CNTLN: variants seen among roughly 807,000 people sequenced by gnomAD.
The protein encoded by CNTLN is centlein.
Under a neutral mutation model 180.0 loss-of-function variants are expected in CNTLN, and 212 were observed. The ratio of observed to expected loss-of-function variants is 1.18; its 90% CI spans 1.05 to 1.32. CNTLN has a LOEUF of 1.32. CNTLN is among the 40% of genes most tolerant of loss of function. The probability of loss-of-function intolerance (pLI) is 0.00; values close to 1 mark genes in which losing one functional copy is unlikely to be tolerated. For missense variants in CNTLN, 2,095 were observed against 1,610.9 expected (o/e 1.30, Z -5.14); for synonymous variants, 722 against 563.1 (o/e 1.28, Z -3.99).
At chr9:17,479,421 G>A (rs1588084225) in intron 23 of CNTLN, among the ~76,000 whole-genome samples, 1 of 152,210 alleles carries the variant, frequency 6.6e-6, no homozygotes, top group South Asian at 2.1e-4. Context: ...TATGCTCAGT[G>A]AAAAAAAGCC....
intron 8 of CNTLN, among the ~76,000 whole-genome samples, chr9:17,325,788 T>C (rs1343069378): frequency 6.6e-6 from 1 of 152,028 alleles, no homozygotes; most frequent in Non-Finnish European, 1.5e-5. Flanking sequence ...CTAAACACTT[T>C]TTTGCTAAAT....
chr9:17,230,226 C>T (rs540171305), intron 3 of CNTLN, among the ~76,000 whole-genome samples: 4 of 152,230 alleles, frequency 2.6e-5, no homozygotes, highest in Middle Eastern at 3.4e-3. Flanking sequence ...GGCTGAGACT[C>T]GGCTACTATA....
chr9:17,200,211 A>T (rs1326696762), intron 2 of CNTLN, among the ~76,000 whole-genome samples: 2 of 152,094 alleles, frequency 1.3e-5, no homozygotes, highest in Admixed American at 6.5e-5. Context: ...ATGTTTTGGT[A>T]CCCGTACCAT....
chr9:17,409,152 T>C (rs1206193555), intron 15 of CNTLN, 141 bp from the exon 16 acceptor site: 3 of 662,308 alleles, frequency 4.5e-6, no homozygotes, highest in Admixed American at 3.1e-5. Flanking sequence ...CCCTTTCACA[T>C]TGAGAACCAG....
chr9:17,179,222 C>T (rs1290721437), intron 2 of CNTLN, among the ~76,000 whole-genome samples: 5 of 122,522 alleles, frequency 4.1e-5, no homozygotes, highest in Non-Finnish European at 6.3e-5. Flanking sequence ...CCAGCCTGGG[C>T]GACAGAGCGA....
At chr9:17,341,143 C>T (rs1821451136) in intron 11 of CNTLN, among the ~76,000 whole-genome samples, 195 bp downstream of exon 11, 1 of 152,140 alleles carries the variant, frequency 6.6e-6, no homozygotes, top group African/African-American at 2.4e-5. Flanking sequence ...AGATTTTCCT[C>T]ACATTTGCAG....
intron 23 of CNTLN, among the ~76,000 whole-genome samples, chr9:17,474,959 C>A (rs1044621367): frequency 6.6e-6 from 1 of 152,008 alleles, no homozygotes; most frequent in African/African-American, 2.4e-5. Context: ...AAAACCTTGA[C>A]TGCCCATGAA....
chr9:17,391,075 C>G (rs1193369029), intron 14 of CNTLN, among the ~76,000 whole-genome samples: 1 of 152,070 alleles, frequency 6.6e-6, no homozygotes, highest in East Asian at 1.9e-4. Flanking sequence ...AAAACAAAGA[C>G]CCAGAGAAAA....
chr9:17,295,622 A>T (rs138098909), intron 6 of CNTLN, among the ~76,000 whole-genome samples: 2 of 152,216 alleles, frequency 1.3e-5, no homozygotes, highest in African/African-American at 4.8e-5. Context: ...AGCTGTTTCT[A>T]GTCGGCCATC....
chr9:17,162,101 G>C (rs897461325), intron 2 of CNTLN, among the ~76,000 whole-genome samples: 1 of 151,832 alleles, frequency 6.6e-6, no homozygotes, highest in African/African-American at 2.4e-5. Flanking sequence ...TTTGATACTT[G>C]TCTTTCTTTA....
chr9:17,269,715 T>A (rs1166866184), intron 5 of CNTLN, among the ~76,000 whole-genome samples: 3 of 152,182 alleles, frequency 2.0e-5, no homozygotes, highest in Admixed American at 2.0e-4. Flanking sequence ...GCCATTAAGA[T>A]GAATGTATAT....
chr9:17,289,629 A>G (rs1444736420), intron 6 of CNTLN, among the ~76,000 whole-genome samples: 7 of 128,130 alleles, frequency 5.5e-5, no homozygotes, highest in East Asian at 2.2e-4. Flanking sequence ...CATTCTCCCC[A>G]TCACTTTCAG....
chr9:17,439,178 A>C (rs929349409), intron 18 of CNTLN, among the ~76,000 whole-genome samples: 4 of 152,344 alleles, frequency 2.6e-5, no homozygotes, highest in Non-Finnish European at 5.9e-5. Context: ...TAGGCTCAAA[A>C]TAAATAATTC....
At chr9:17,231,581 TCCTTA>T (rs1824818263) in intron 3 of CNTLN, among the ~76,000 whole-genome samples, 1 of 152,258 alleles carries the variant, frequency 6.6e-6, no homozygotes, top group Non-Finnish European at 1.5e-5. Flanking sequence ...TTTCATTTTT[TCCTTA>T]CCTTCTAGGA....
At chr9:17,151,180 T>C (rs1188360381) in intron 2 of CNTLN, among the ~76,000 whole-genome samples, 1 of 152,172 alleles carries the variant, frequency 6.6e-6, no homozygotes, top group Non-Finnish European at 1.5e-5. Flanking sequence ...CTTCCAATAT[T>C]ATGTTGAATA....
intron 6 of CNTLN, among the ~76,000 whole-genome samples, chr9:17,283,908 T>G (rs1375181750): frequency 6.6e-6 from 1 of 152,204 alleles, no homozygotes; most frequent in African/African-American, 2.4e-5. Context: ...TATTGATTTG[T>G]GTATGTTGAA....
intron 5 of CNTLN, among the ~76,000 whole-genome samples, chr9:17,261,378 A>T (rs1053863599): frequency 6.6e-6 from 1 of 151,346 alleles, no homozygotes; most frequent in African/African-American, 2.5e-5. Flanking sequence ...CTTCTTGTAA[A>T]GATCTTTCAC....
intron 23 of CNTLN, among the ~76,000 whole-genome samples, chr9:17,478,408 G>T (rs1341976940): frequency 1.3e-5 from 2 of 152,086 alleles, no homozygotes; most frequent in African/African-American, 4.8e-5. Flanking sequence ...TTAGTTTGAT[G>T]TAGTCCTACT....
At chr9:17,312,364 T>TATATATAATATATATATATATATAA (rs369729227) in intron 8 of CNTLN, among the ~76,000 whole-genome samples, 2 of 20,186 alleles carry the variant, frequency 9.9e-5, no homozygotes, top group African/African-American at 2.3e-4. Context: ...TATATATATA[T>TATATATAATATATATATATATATAA]TATATATATA....
Sources: allele counts gnomAD v4.1 joint callset (sites outside exome capture counted in the v4.1 genomes callset), GRCh38; gene constraint gnomAD v4.1.1; transcripts MANE v1.5; gene names NCBI Gene and HGNC (gene_info 2026-07-23, HGNC 2026-07-21).